TANC2: variants seen among roughly 807,000 people sequenced by gnomAD.
TANC2 encodes tetratricopeptide repeat, ankyrin repeat and coiled-coil containing 2, also known as protein TANC2.
In TANC2, 26 loss-of-function variants were observed where a neutral mutation model predicts 210.5. The observed-to-expected ratio is 0.12, with a 90% confidence interval of 0.09 to 0.17. The LOEUF (loss-of-function observed/expected upper bound fraction) is 0.17, where lower values mean the gene tolerates loss of function less well. Among genes scored for constraint, TANC2 ranks in the 10% least tolerant of loss-of-function variants. The probability of loss-of-function intolerance (pLI) is 1.00; values close to 1 mark genes in which losing one functional copy is unlikely to be tolerated. For synonymous variants in TANC2, 931 were observed against 967.1 expected (o/e 0.96, Z 0.69); for missense variants, 2,129 against 2,608.9 (o/e 0.82, Z 4.01).
exon 28 of TANC2, chr17:63,426,462 C>T (rs2049145832): frequency 6.6e-6 from 1 of 152,202 alleles, no homozygotes; most frequent in African/African-American, 2.4e-5. Flanking sequence ...GGGTTTTCAT[C>T]AACTCCTTTT....
chr17:63,096,315 A>G (rs1175301517), intron 3 of TANC2, among the ~76,000 whole-genome samples: 1 of 152,122 alleles, frequency 6.6e-6, no homozygotes. Flanking sequence ...GAATGAGAAG[A>G]AAAAAAGTTA....
chr17:63,076,434 C>CA (rs1568365188), intron 3 of TANC2, among the ~76,000 whole-genome samples: 2 of 151,630 alleles, frequency 1.3e-5, no homozygotes, highest in Admixed American at 6.6e-5. Context: ...AGAATCTGAC[C>CA]AAAAAAAGGA....
intron 8 of TANC2, among the ~76,000 whole-genome samples, chr17:63,248,494 G>C (rs1386238265): frequency 1.3e-5 from 2 of 151,956 alleles, no homozygotes; most frequent in African/African-American, 2.4e-5. Context: ...TTATTTTAGA[G>C]ACCAAATGAT....
intron 5 of TANC2, among the ~76,000 whole-genome samples, chr17:63,177,120 C>T (rs369432627): frequency 6.6e-6 from 1 of 151,522 alleles, no homozygotes; most frequent in Admixed American, 6.6e-5. Context: ...AAAAAATTAG[C>T]TGGGCATGGT....
At chr17:63,013,369 C>T (rs62076591) in intron 2 of TANC2, among the ~76,000 whole-genome samples, 2 of 152,122 alleles carry the variant, frequency 1.3e-5, no homozygotes, top group Admixed American at 1.3e-4. Context: ...CTAATTGCTA[C>T]TCCTTTAAAG....
intron 12 of TANC2, among the ~76,000 whole-genome samples, chr17:63,349,387 A>T (rs1330270849): frequency 6.6e-6 from 1 of 152,148 alleles, no homozygotes; most frequent in Non-Finnish European, 1.5e-5. Context: ...ATCCCAACAG[A>T]TGCATTATCA....
exon 26 of TANC2, chr17:63,415,653 T>C (rs1488384220): frequency 6.2e-7 from 1 of 1,613,582 alleles, no homozygotes; most frequent in East Asian, 2.2e-5. Context: ...TCAACCTCTC[T>C]CGGTGTCGCA....
At chr17:63,351,097 C>A (rs895896228) in intron 12 of TANC2, among the ~76,000 whole-genome samples, 153 bp from the exon 13 acceptor site, 15 of 152,052 alleles carry the variant, frequency 9.9e-5, no homozygotes, top group Admixed American at 9.8e-4. Flanking sequence ...TTTTTCCATG[C>A]CCTTAGAATA....
intron 5 of TANC2, among the ~76,000 whole-genome samples, chr17:63,159,292 T>C (rs2145464042): frequency 6.6e-6 from 1 of 152,328 alleles, no homozygotes; most frequent in South Asian, 2.1e-4. Flanking sequence ...TAAAATAAAC[T>C]TAAGTGTCTA....
rs528439495 is a variant in TANC2, at chr17:63,022,052, C to T, written c.67+12426C>T. ...TATGGAAGGTGGAATTTAAGAATGA[C>T]AAACTAGGCCGGGCGCGGTGGGTCA... On this transcript the variant is annotated intron_variant, in intron 2 of 27. Transcript: ENST00000689528. Among the ~76,000 whole-genome samples the T allele has an allele frequency of 2.0e-5, 3 of 152,122 alleles. No homozygotes were observed. In the East Asian group the frequency reaches 5.8e-4, roughly 29 times the overall value.
rs1174223914 is a variant in TANC2, at chr17:63,418,320, C to T, written c.4181C>T (p.Ala1394Val). Residue 1394 changes from alanine (A) to valine (V), a missense_variant, in exon 27 of 28, where the codon GCG becomes GTG. By Grantham distance (64) the Ala-to-Val change is moderately conservative. Transcript: ENST00000689528. This position sits in a 1 kb window ranked among gnomAD's most constrained non-coding sequence, Gnocchi z 4.6. ...TTGTAATGACAGGATTTTGGAATGG[C>T]GGAGGAATTTGCTACTAAGGCCCTG... The T allele has an allele frequency of 2.5e-6, 4 of 1,613,018 alleles. No individual in the cohort carries two copies. The highest frequency in any genetic ancestry group is 1.1e-5 in the South Asian group (1 of 90,684).
At chr17:63,053,917 T>A (rs2035673760) in intron 2 of TANC2, among the ~76,000 whole-genome samples, 1 of 152,214 alleles carries the variant, frequency 6.6e-6, no homozygotes, top group African/African-American at 2.4e-5. Context: ...CACTAACCAC[T>A]TAGTCCAAGT....
intron 8 of TANC2, among the ~76,000 whole-genome samples, chr17:63,241,180 G>C (rs2042763738): frequency 6.6e-6 from 1 of 152,296 alleles, no homozygotes; most frequent in Admixed American, 6.5e-5. Flanking sequence ...CAGAAAGTAA[G>C]CTCTATATGA....
At chr17:63,321,522 C>T (rs1300210935) in intron 11 of TANC2, among the ~76,000 whole-genome samples, 1 of 152,136 alleles carries the variant, frequency 6.6e-6, no homozygotes, top group African/African-American at 2.4e-5. Flanking sequence ...TTAAGATGAT[C>T]CGCCCTTTTT....
At chr17:63,169,806 C>G (rs1024905674) in intron 5 of TANC2, among the ~76,000 whole-genome samples, 14 of 150,410 alleles carry the variant, frequency 9.3e-5, no homozygotes, top group Non-Finnish European at 1.9e-4. Flanking sequence ...AAGTGAGACT[C>G]CATCTCAAAA....
chr17:63,318,791 C>CT (rs2045398240), intron 10 of TANC2, among the ~76,000 whole-genome samples, 166 bp from the exon 11 acceptor site: 1 of 152,158 alleles, frequency 6.6e-6, no homozygotes, highest in Admixed American at 6.5e-5. Flanking sequence ...AATCGTTCTT[C>CT]TGTGAACACT....
intron 2 of TANC2, among the ~76,000 whole-genome samples, chr17:63,065,012 T>C (rs941578262): frequency 3.9e-5 from 6 of 152,112 alleles, no homozygotes; most frequent in African/African-American, 1.4e-4. Flanking sequence ...CTAAACTCAA[T>C]ACCCTTTGAG....
intron 2 of TANC2, among the ~76,000 whole-genome samples, chr17:63,063,444 G>T (rs1216859043): frequency 6.6e-6 from 1 of 151,832 alleles, no homozygotes; most frequent in East Asian, 1.9e-4. Context: ...AGCCCACCAA[G>T]AATTAACTCA....
intron 2 of TANC2, among the ~76,000 whole-genome samples, chr17:63,044,433 GT>G (rs1484100542): frequency 6.6e-6 from 1 of 151,902 alleles, no homozygotes. Flanking sequence ...TTTATGTATT[GT>G]ACAGTATGTT....
Sources: allele counts gnomAD v4.1 joint callset (sites outside exome capture counted in the v4.1 genomes callset), GRCh38; gene constraint gnomAD v4.1.1; non-coding constraint Gnocchi (gnomAD v3.1); transcripts MANE v1.5; gene names NCBI Gene and HGNC (gene_info 2026-07-23, HGNC 2026-07-21).